The following NCAN variants were observed in gnomAD, a reference collection of about 807,000 sequenced individuals.
NCAN encodes neurocan core protein.
NCAN carries 47 observed loss-of-function variants against 121.8 expected under a neutral mutation model. The observed-to-expected ratio is 0.39, with a 90% CI of 0.31 to 0.49. The LOEUF (loss-of-function observed/expected upper bound fraction) is 0.49. Among genes scored for constraint, NCAN ranks in the 20% least tolerant of loss-of-function variants. NCAN has a pLI of 0.92. For synonymous variants in NCAN, 633 were observed against 702.0 expected (o/e 0.90, Z 1.55); for missense variants, 1,517 against 1,773.4 (o/e 0.86, Z 2.60).
intron 9 of NCAN, among the ~76,000 whole-genome samples, chr19:19,234,388 TAC>T (rs2060873482): frequency 6.6e-6 from 1 of 152,200 alleles, no homozygotes; most frequent in Non-Finnish European, 1.5e-5. Context: ...CATGACTGAT[TAC>T]AGAATTATAA....
intron 8 of NCAN, among the ~76,000 whole-genome samples, chr19:19,231,894 C>T (rs8100866): frequency 0.025 from 3,735 of 151,800 alleles, 130 homozygotes; most frequent in African/African-American, 0.076. Flanking sequence ...GTGGGAGGAC[C>T]GCTTGACCCT....
chr19:19,214,205 TACAC>T (rs909293642), intron 1 of NCAN, among the ~76,000 whole-genome samples: 6 of 150,634 alleles, frequency 4.0e-5, no homozygotes, highest in South Asian at 2.1e-4. Flanking sequence ...CACACACACT[TACAC>T]ACACACACTC....
chr19:19,236,406 A>G (rs552254379), intron 10 of NCAN, among the ~76,000 whole-genome samples: 3 of 152,088 alleles, frequency 2.0e-5, no homozygotes, highest in African/African-American at 7.2e-5. Context: ...CATTTTGTTT[A>G]TCCATTCATG....
Position 19,228,419 on chromosome 19 carries a change from G to C in NCAN, c.2799G>C (p.Pro933=), listed in dbSNP as rs746882302. Residue 933 remains proline, a synonymous_variant, in exon 8 of 15, where the codon CCG becomes CCC. Transcript: ENST00000252575. The part of the protein sequence containing the change: ...LGKPAVPPGT[P]TAASVGESAS... ...AACCGGCTGTTCCTCCTGGGACACC[G>C]ACTGCAGCCAGTGTGGGCGAGTCTG... is the stretch of plus-strand genomic sequence containing the variant. 1 of 1,613,466 alleles carries C rather than the reference G, an allele frequency of 6.2e-7. No individual in the cohort carries two copies. The highest frequency in any genetic ancestry group is 1.3e-5 in the African/African-American group (1 of 74,918).
At chr19:19,222,743 G>T (rs1475708546) in intron 3 of NCAN, among the ~76,000 whole-genome samples, 2 of 152,092 alleles carry the variant, frequency 1.3e-5, no homozygotes, top group East Asian at 3.8e-4. Context: ...CCTGTTACCA[G>T]GGCTTCACAT....
intron 12 of NCAN, among the ~76,000 whole-genome samples, chr19:19,244,037 A>G (rs929834487): frequency 2.0e-5 from 3 of 152,170 alleles, no homozygotes; most frequent in Non-Finnish European, 2.9e-5. Flanking sequence ...AAAACAAAAC[A>G]AAACAAAAAT....
intron 12 of NCAN, among the ~76,000 whole-genome samples, chr19:19,241,917 G>A (rs552436011): frequency 9.0e-4 from 137 of 152,056 alleles, no homozygotes; most frequent in African/African-American, 3.1e-3. Context: ...CACAGAGGCC[G>A]GGCACAGTGG....
Position 19,218,537 on chromosome 19 carries a change from AC to A in NCAN, c.74-376del, listed in dbSNP as rs901239987. On this transcript the variant is annotated intron_variant, in intron 2 of 14. Coordinates refer to ENST00000252575, the MANE Select transcript of NCAN (RefSeq NM_004386.3). ...GCCCAGGCTGGAGTGCAATGGTGCG[AC>A]CTTGGCTCACCGCAACCTCTGCCTC... Among the ~76,000 whole-genome samples, 4 of 151,320 alleles carry A rather than the reference AC, an allele frequency of 2.6e-5. No homozygotes were observed. In the East Asian group the frequency reaches 5.9e-4, roughly 22 times the overall value.
At chr19:19,224,577 A>C in intron 5 of NCAN, 144 bp downstream of exon 5, 2 of 1,147,276 alleles carry the variant, frequency 1.7e-6, no homozygotes, top group South Asian at 1.6e-5. Context: ...GATTCCACTC[A>C]TTTTCTGAGC....
chr19:19,213,559 C>A (rs985781316), intron 1 of NCAN, among the ~76,000 whole-genome samples: 1 of 151,110 alleles, frequency 6.6e-6, no homozygotes, highest in Non-Finnish European at 1.5e-5. Flanking sequence ...GAAGACACGC[C>A]GCCTGTCTTG....
chr19:19,230,042 C>CT (rs952531919), intron 8 of NCAN, among the ~76,000 whole-genome samples: 7 of 151,422 alleles, frequency 4.6e-5, no homozygotes, highest in African/African-American at 7.3e-5. Context: ...GAGTTGCACA[C>CT]TTTTTTTTTG....
At position 19,250,072 on chromosome 19, in the gene NCAN, C is replaced by T; in HGVS notation, c.*161C>T. ...CCTTTGTACAAAGCTCCTCTTTTCC[C>T]TTTTTTTACATACACAAGATCCTCT... On this transcript the variant is annotated 3_prime_UTR_variant, in exon 15 of 15. Transcript: ENST00000252575. The T allele has an allele frequency of 4.8e-6, 4 of 836,022 alleles. No homozygotes were observed. The highest frequency in any genetic ancestry group is 7.9e-6 in the Non-Finnish European group (4 of 504,312). 51.8% of individuals were successfully genotyped at this position (836,022 alleles called of 1,614,324 possible). A position where few individuals can be genotyped will look rare whatever the true frequency, so the allele number is the denominator to read the frequency against.
In NCAN at chr19:19,248,779, T is replaced by C. The variant is rs1242128355; in HGVS notation, c.3717T>C (p.Thr1239=). 2 of 1,614,212 alleles carry C rather than the reference T, an allele frequency of 1.2e-6. No homozygotes were observed. Among genetic ancestry groups the C allele is most frequent in the Non-Finnish European group, 8.5e-7 (1 of 1,180,034 alleles). The change falls in exon 14 of 15, where the codon ACT becomes ACC. Residue 1239 remains threonine, a synonymous_variant. Coordinates refer to ENST00000252575, the MANE Select transcript of NCAN (RefSeq NM_004386.3). Reference sequence around the variant, plus strand: ...AGGCCAAGTACAATGTCCATGCCACTGTAAGGTACCAGTGCAATGAAGGAT... The same window carrying C: ...AGGCCAAGTACAATGTCCATGCCACCGTAAGGTACCAGTGCAATGAAGGAT... The part of the protein sequence containing the change: ...ARKAKYNVHA[T]VRYQCNEGFA...
Position 19,248,717 on chromosome 19 carries a change from C to T in NCAN, c.3655C>T (p.Pro1219Ser). 1 of 1,614,166 alleles carries T rather than the reference C, an allele frequency of 6.2e-7. No individual in the cohort carries two copies. Among genetic ancestry groups the T allele is most frequent in the Middle Eastern group, 1.7e-4 (1 of 6,058 alleles). The change falls in exon 14 of 15, where the codon CCG becomes TCG. Residue 1219 changes from proline (P) to serine (S), a missense_variant. Physicochemically the swap from Pro to Ser is moderately conservative, Grantham distance 74. Transcript: ENST00000252575. The part of the protein sequence containing the change: ...KKGTVLCGPP[P>S]AVENASLIGA... ...TGTCCCAGTGCTCTGTGGTCCCCCT[C>T]CGGCAGTGGAGAATGCCTCACTCAT...
At position 19,238,420 on chromosome 19, in the gene NCAN, T is replaced by C; in HGVS notation, c.3409+9T>C. 1 of 1,614,030 alleles carries C rather than the reference T, an allele frequency of 6.2e-7. No individual in the cohort carries two copies. The highest frequency in any genetic ancestry group is 8.5e-7 in the Non-Finnish European group (1 of 1,180,034). On this transcript the variant is annotated intron_variant, in intron 11 of 14. Coordinates refer to ENST00000252575, the MANE Select transcript of NCAN (RefSeq NM_004386.3). ...ACACAGCTTCATTAATAGTAGGGGC[T>C]CTGGGGAGGGGGCCACCTGCCTGGA...
chr19:19,245,293 C>T lies in NCAN; in HGVS notation c.3493-20C>T. On this transcript the variant is annotated intron_variant, in intron 12 of 14. Coordinates refer to ENST00000252575, the MANE Select transcript of NCAN (RefSeq NM_004386.3). Reference sequence around the variant, plus strand: ...GGAACAGAGGTCCCCTGAACAACTCCCTGCCCCCTATTCCTGCAGCAATTT... The same window carrying T: ...GGAACAGAGGTCCCCTGAACAACTCTCTGCCCCCTATTCCTGCAGCAATTT... 1 of 1,613,154 alleles carries T rather than the reference C, an allele frequency of 6.2e-7. No homozygotes were observed. The highest frequency in any genetic ancestry group is 8.5e-7 in the Non-Finnish European group (1 of 1,179,428).
At chr19:19,239,999 C>G (rs1364592007) in intron 11 of NCAN, among the ~76,000 whole-genome samples, 1 of 129,618 alleles carries the variant, frequency 7.7e-6, no homozygotes. Flanking sequence ...CTCCCTCCCA[C>G]TCCTCCCCCT....
intron 8 of NCAN, among the ~76,000 whole-genome samples, chr19:19,231,178 C>A (rs959450394): frequency 6.6e-6 from 1 of 152,032 alleles, no homozygotes; most frequent in African/African-American, 2.4e-5. Context: ...CTTGGTTAAT[C>A]CTTTTAATGT....
In NCAN at chr19:19,226,609, T is replaced by C. The variant is rs2060837986; in HGVS notation, c.1196T>C (p.Val399Ala). Residue 399 changes from valine (V) to alanine (A), a missense_variant, in exon 7 of 15, where the codon GTG (valine) becomes GCG (alanine). Physicochemically the swap from Val to Ala is moderately conservative, Grantham distance 64. Transcript: ENST00000252575. ...ELEPTLEEEE[V>A]VTPDFQEPLV... is the part of the protein sequence containing the mutation. ...GAGCCCACCCTGGAGGAGGAAGAGGTGGTCACCCCTGACTTCCAGGAGCCT... is the reference window on the plus strand; with the variant it reads ...GAGCCCACCCTGGAGGAGGAAGAGGCGGTCACCCCTGACTTCCAGGAGCCT... The C allele has an allele frequency of 6.2e-7, 1 of 1,613,572 alleles. No homozygotes were observed. Among genetic ancestry groups the C allele is most frequent in the African/African-American group, 1.3e-5 (1 of 74,940 alleles).
Sources: gnomAD v4.1 joint callset for allele counts (sites outside exome capture counted in the v4.1 genomes callset) on GRCh38, gnomAD v4.1.1 for gene constraint, MANE v1.5 for transcripts, NCBI Gene and HGNC (gene_info 2026-07-23, HGNC 2026-07-21) for gene names.